The following AGGF1 variants were observed in gnomAD, a reference collection of about 807,000 sequenced individuals.
AGGF1 encodes angiogenic factor with G-patch and FHA domains 1.
In AGGF1, 56 loss-of-function variants were observed where a neutral mutation model predicts 86.5. The observed-to-expected ratio is 0.65, with a 90% CI of 0.52 to 0.81. AGGF1 has a LOEUF of 0.81. Among genes scored for constraint, AGGF1 ranks in the 30% least tolerant of loss-of-function variants. The probability of loss-of-function intolerance (pLI) is 0.00; values close to 1 mark genes in which losing one functional copy is unlikely to be tolerated. For synonymous variants in AGGF1, 313 were observed against 297.1 expected (o/e 1.05, Z -0.55); for missense variants, 816 against 850.9 (o/e 0.96, Z 0.51).
At chr5:77,041,127 GA>G (rs1217770755) in intron 5 of AGGF1, among the ~76,000 whole-genome samples, 3 of 152,088 alleles carry the variant, frequency 2.0e-5, no homozygotes, top group Non-Finnish European at 4.4e-5. Context: ...TCTCCTATTT[GA>G]TTTGCTTCTG....
At chr5:77,051,108 A>G (rs1291596148) in intron 8 of AGGF1, among the ~76,000 whole-genome samples, 1 of 151,530 alleles carries the variant, frequency 6.6e-6, no homozygotes, top group African/African-American at 2.4e-5. Context: ...GAAAATTTAC[A>G]GAAGAGGAAA....
intron 3 of AGGF1, among the ~76,000 whole-genome samples, chr5:77,036,213 T>A (rs1028267875): frequency 6.6e-6 from 1 of 152,228 alleles, no homozygotes; most frequent in Non-Finnish European, 1.5e-5. Flanking sequence ...TTTTTGAAAT[T>A]TTTTTTCCAA....
chr5:77,045,392 A>T (rs1747227263), intron 5 of AGGF1, among the ~76,000 whole-genome samples: 1 of 152,234 alleles, frequency 6.6e-6, no homozygotes, highest in Non-Finnish European at 1.5e-5. Flanking sequence ...TAACCACTGT[A>T]CATTGTGTAC....
intron 4 of AGGF1, among the ~76,000 whole-genome samples, chr5:77,038,401 A>T (rs925791549): frequency 1.3e-5 from 2 of 152,152 alleles, no homozygotes; most frequent in African/African-American, 2.4e-5. Flanking sequence ...TGCAGGTTAT[A>T]TTTCTGAGTA....
chr5:77,046,945 C>G (rs1211888340), intron 6 of AGGF1, among the ~76,000 whole-genome samples: 1 of 152,150 alleles, frequency 6.6e-6, no homozygotes, highest in Non-Finnish European at 1.5e-5. Context: ...GGATTCTAAT[C>G]TTAAAATATA....
Position 77,036,424 on chromosome 5 carries a change from T to C in AGGF1, c.517-132T>C, listed in dbSNP as rs1047438169. The C allele has an allele frequency of 3.2e-6, 3 of 928,862 alleles. No homozygotes were observed. In the African/African-American group the frequency reaches 4.9e-5, roughly 15 times the overall value. 57.5% of individuals were successfully genotyped at this position (928,862 alleles called of 1,614,324 possible). On this transcript the variant is annotated intron_variant, in intron 3 of 13. Transcript: ENST00000312916. ...TGTAATAAGTGGTTCAAGTCATAAT[T>C]GATAGTCATGCTTTTCCTTTGTAGA...
intron 7 of AGGF1, 132 bp downstream of exon 7, chr5:77,048,404 T>C (rs1240914209): frequency 2.7e-6 from 2 of 729,414 alleles, no homozygotes; most frequent in South Asian, 1.8e-5. Context: ...CAGGCTGGAG[T>C]GCAGTGGCAC....
rs1742771121 is a variant in AGGF1, at chr5:77,065,089, C to G, written c.*1837C>G. 1 of 152,118 alleles carries G rather than the reference C, an allele frequency of 6.6e-6. No homozygotes were observed. The highest frequency in any genetic ancestry group is 2.1e-4 in the South Asian group (1 of 4,830). The allele number at this position is 152,118 out of a possible 1,614,324, so 9.4% of individuals were successfully genotyped here. On this transcript the variant is annotated 3_prime_UTR_variant, in exon 14 of 14. Coordinates refer to ENST00000312916, the MANE Select transcript of AGGF1 (RefSeq NM_018046.5). ...AAGAATATTTGTCTCACGTGTCTGT[C>G]ATGAATAGCAAATGAGAAAATGTAT...
At chr5:77,058,812 C>T (rs1177165404) in intron 11 of AGGF1, among the ~76,000 whole-genome samples, 1 of 152,124 alleles carries the variant, frequency 6.6e-6, no homozygotes, top group African/African-American at 2.4e-5. Flanking sequence ...TTCTTTGTGC[C>T]ACCACCACAC....
At position 77,035,516 on chromosome 5, in the gene AGGF1, AT is replaced by A. The variant is rs775178975; in HGVS notation, c.314-22del. On this transcript the variant is annotated intron_variant, in intron 2 of 13. Transcript: ENST00000312916. ...ATATACATTATTCTAATATGATACG[AT>A]TTCACTTCATTTTTTTGCTACAGAT... 2.6e-6 allele frequency: 4 copies of A among 1,549,356 alleles called. No individual in the cohort carries two copies. In the South Asian group the frequency reaches 3.4e-5, roughly 13 times the overall value.
At chr5:77,047,071 T>C (rs994406307) in intron 6 of AGGF1, among the ~76,000 whole-genome samples, 3 of 152,212 alleles carry the variant, frequency 2.0e-5, no homozygotes, top group Non-Finnish European at 4.4e-5. Context: ...GATATTATGG[T>C]AAATCTAATT....
chr5:77,054,014 A>G lies in AGGF1; in HGVS notation c.1517A>G (p.Lys506Arg), dbSNP rs771769749. 4 of 1,614,176 alleles carry G rather than the reference A, an allele frequency of 2.5e-6. No homozygotes were observed. The Admixed American group carries it at 5.0e-5, about 20-fold the overall frequency. Residue 506 changes from lysine (K) to arginine (R), a missense_variant, in exon 10 of 14, where the codon AAA becomes AGA. By Grantham distance (26) the Lys-to-Arg change is conservative. Around this residue, in one of 3 missense-constraint regions of AGGF1, gnomAD observed 565 missense variants for 585.8 expected, o/e 0.96. Transcript: ENST00000312916. Reference sequence around the variant, plus strand: ...GTACTTGAGCATGGAGATGAAGTCAAAATTGGAGAAACTGTCTTATCCTTT... The same window carrying G: ...GTACTTGAGCATGGAGATGAAGTCAGAATTGGAGAAACTGTCTTATCCTTT... ...PYVLEHGDEV[K>R]IGETVLSFHI...
Position 77,055,557 on chromosome 5 carries a change from A to G in AGGF1, c.1677A>G (p.Arg559=). The part of the protein sequence containing the change: ...LSKEEKELER[R]KELKKIRVKY... ...AGGAGGAAAAAGAGTTGGAAAGAAG[A>G]AAAGAATTAAAGAAAATACGAGTAA... is the stretch of plus-strand genomic sequence containing the variant. Residue 559 remains arginine, a synonymous_variant, in exon 11 of 14, where the codon AGA becomes AGG. Coordinates refer to ENST00000312916, the MANE Select transcript of AGGF1 (RefSeq NM_018046.5). 3 of 1,602,736 alleles carry G rather than the reference A, an allele frequency of 1.9e-6. No individual in the cohort carries two copies. Among genetic ancestry groups the G allele is most frequent in the Non-Finnish European group, 2.6e-6 (3 of 1,170,578 alleles).
rs1423081151 is a variant in AGGF1, at chr5:77,063,690, A to G, written c.*438A>G. 6.0e-6 allele frequency: 1 copy of G among 167,532 alleles called. No individual in the cohort carries two copies. The highest frequency in any genetic ancestry group is 1.3e-5 in the Non-Finnish European group (1 of 77,406). The allele number at this position is 167,532 out of a possible 1,614,324, so 10.4% of individuals were successfully genotyped here. A position where few individuals can be genotyped will look rare whatever the true frequency, so the allele number is the denominator to read the frequency against. On this transcript the variant is annotated 3_prime_UTR_variant, in exon 14 of 14. Transcript: ENST00000312916. ...ATGCATCCTCATTTATTCCCTTTAG[A>G]ACCTAGGTAAAAAATGTTGCGAAAA...
chr5:77,039,670 T>C lies in AGGF1; in HGVS notation c.821T>C (p.Leu274Ser). The C allele has an allele frequency of 6.2e-7, 1 of 1,612,100 alleles. No homozygotes were observed. The highest frequency in any genetic ancestry group is 1.1e-5 in the South Asian group (1 of 90,382). ...SSTKQSKDKK[L>S]KKKRKDPDSS... Reference sequence around the variant, plus strand: ...ACAAAACAAAGTAAAGATAAAAAATTGAAGAAGAAAAGAAAAGATCCAGAT... The same window carrying C: ...ACAAAACAAAGTAAAGATAAAAAATCGAAGAAGAAAAGAAAAGATCCAGAT... The change falls in exon 5 of 14, where the codon TTG (leucine) becomes TCG (serine). Residue 274 changes from leucine to serine, a missense_variant. By Grantham distance (145) the Leu-to-Ser change is moderately radical. Around this residue, in one of 3 missense-constraint regions of AGGF1, gnomAD observed 565 missense variants for 585.8 expected, o/e 0.96. Coordinates refer to ENST00000312916, the MANE Select transcript of AGGF1 (RefSeq NM_018046.5).
rs773633417 is a variant in AGGF1, at chr5:77,063,300, T to C, written c.*48T>C. The C allele has an allele frequency of 6.4e-7, 1 of 1,556,394 alleles. No homozygotes were observed. Among genetic ancestry groups the C allele is most frequent in the Non-Finnish European group, 8.8e-7 (1 of 1,137,290 alleles). On this transcript the variant is annotated 3_prime_UTR_variant, in exon 14 of 14. Transcript: ENST00000312916. ...CTCTAGTTTTTTTAAAAATAGAATT[T>C]GGAAACTTATTTTTTCTCCCCAAAA...
chr5:77,053,925 ATTG>A lies in AGGF1; in HGVS notation c.1468-37_1468-35del, dbSNP rs576695425. On this transcript the variant is annotated intron_variant, in intron 9 of 13. Coordinates refer to ENST00000312916, the MANE Select transcript of AGGF1 (RefSeq NM_018046.5). ...AGTAGATGTAAGGTAACCATAAGTG[ATTG>A]TTTTGATTTCTGTTTTGTAAAATGT... is the stretch of plus-strand genomic sequence containing the variant. The A allele has an allele frequency of 1.8e-4, 290 of 1,597,998 alleles. 4 individuals are homozygous for A. In the South Asian group the frequency reaches 3.0e-3, roughly 17 times the overall value.
intron 13 of AGGF1, among the ~76,000 whole-genome samples, chr5:77,062,668 A>G (rs954202608): frequency 2.0e-5 from 3 of 152,178 alleles, no homozygotes. Context: ...TTTTATGGTT[A>G]TTAATGTTTA....
At chr5:77,031,155 A>T (rs1452825523) in intron 1 of AGGF1, among the ~76,000 whole-genome samples, 179 bp downstream of exon 1, 1 of 152,248 alleles carries the variant, frequency 6.6e-6, no homozygotes, top group Non-Finnish European at 1.5e-5. Flanking sequence ...ACCTGAGTTC[A>T]GGTTACTTGA....
Sources: gnomAD v4.1 joint callset for allele counts (sites outside exome capture counted in the v4.1 genomes callset) on GRCh38, gnomAD v4.1.1 for gene constraint, gnomAD v4.1.1 regional missense constraint, MANE v1.5 for transcripts, NCBI Gene and HGNC (gene_info 2026-07-23, HGNC 2026-07-21) for gene names.